PNPLA6: variants seen among roughly 807,000 people sequenced by gnomAD.
PNPLA6 encodes the protein patatin-like phospholipase domain-containing protein 6.
Under a neutral mutation model 153.7 loss-of-function variants are expected in PNPLA6, and 105 were observed. The observed-to-expected ratio is 0.68, with a 90% CI of 0.58 to 0.80. The LOEUF (loss-of-function observed/expected upper bound fraction) is 0.80, where lower values mean the gene tolerates loss of function less well. PNPLA6 is among the 30% of genes least tolerant of loss of function. The probability of loss-of-function intolerance (pLI) is 0.00; values close to 1 mark genes in which losing one functional copy is unlikely to be tolerated. For missense variants in PNPLA6, 1,423 were observed against 1,919.3 expected (o/e 0.74, Z 4.83); for synonymous variants, 825 against 822.2 (o/e 1.00, Z -0.06).
At chr19:7,551,535 G>GGAGT in intron 18 of PNPLA6, 98 bp downstream of exon 18, 2 of 1,060,450 alleles carry the variant, frequency 1.9e-6, no homozygotes, top group Non-Finnish European at 2.9e-6. Context: ...GCTGGGAAAT[G>GGAGT]GAGTTCCGCG....
Position 7,555,913 on chromosome 19 carries a change from T to G in PNPLA6, c.3093+150T>G. 1 of 861,976 alleles carries G rather than the reference T, an allele frequency of 1.2e-6. No homozygotes were observed. The highest frequency in any genetic ancestry group is 1.9e-6 in the Non-Finnish European group (1 of 539,848). The allele number at this position is 861,976 out of a possible 1,614,324, so 53.4% of individuals were successfully genotyped here. On this transcript the variant is annotated intron_variant, in intron 24 of 31. Transcript: ENST00000600737. The surrounding 1 kb of genome is among the most constrained non-coding windows in gnomAD (Gnocchi z 6.3). ...CCCCAGCTGTCCGGACTTTTATAGA[T>G]AAGCTTCTAGGACTCTGGGTAACCA...
At chr19:7,538,783 C>T (rs749651718) in intron 3 of PNPLA6, among the ~76,000 whole-genome samples, 13 of 152,152 alleles carry the variant, frequency 8.5e-5, no homozygotes, top group Non-Finnish European at 1.3e-4. Flanking sequence ...ACTGTATCTG[C>T]GGTCTTCTCA....
At chr19:7,547,864 T>C (rs912971713) in intron 13 of PNPLA6, among the ~76,000 whole-genome samples, 1 of 140,344 alleles carries the variant, frequency 7.1e-6, no homozygotes. Flanking sequence ...GGTTTCACTA[T>C]GTTGCCCAGG....
intron 18 of PNPLA6, among the ~76,000 whole-genome samples, chr19:7,553,072 A>C (rs2023724943): frequency 1.3e-5 from 2 of 152,066 alleles, no homozygotes; most frequent in Non-Finnish European, 2.9e-5. Flanking sequence ...GGCTGTGGAC[A>C]GGCACTTGAG....
rs2023213315 is a variant in PNPLA6 at position 7,542,747 on chromosome 19, C to A, written c.1363-14C>A. The A allele has an allele frequency of 6.2e-7, 1 of 1,612,750 alleles. No individual in the cohort carries two copies. The highest frequency in any genetic ancestry group is 8.5e-7 in the Non-Finnish European group (1 of 1,179,898). ...GGAGGGAGCATCAGGAGGTCACAAG[C>A]CTGCCCCACTCAGACCCCCACTCAG... On this transcript the variant is annotated splice_polypyrimidine_tract_variant and intron_variant, in intron 11 of 31. Transcript: ENST00000600737.
At chr19:7,557,375 C>T (rs548904632) in intron 27 of PNPLA6, 91 bp downstream of exon 27, 23 of 838,742 alleles carry the variant, frequency 2.7e-5, no homozygotes, top group East Asian at 7.6e-5. Context: ...GGCTCGATGA[C>T]GGGACACATG....
In PNPLA6 at chr19:7,557,262, C is replaced by T. The variant is rs375987938; in HGVS notation, c.3375C>T (p.Gly1125=). 4.5e-5 allele frequency: 73 copies of T among 1,611,218 alleles called. No homozygotes were observed. The highest frequency in any genetic ancestry group is 1.6e-4 in the Middle Eastern group (1 of 6,084). The part of the protein sequence containing the change: ...DPKDGHLLMD[G]GYINNLPADI... ...AGGACGGGCACCTACTCATGGATGG[C>T]GGCTACATCAACAATCTGCCAGGCA... The change falls in exon 27 of 32, where the codon GGC becomes GGT. Residue 1125 remains glycine, a synonymous_variant. Coordinates refer to ENST00000600737, the MANE Select transcript of PNPLA6 (RefSeq NM_001166114.2).
chr19:7,555,567 G>T lies in PNPLA6; in HGVS notation c.2937-40G>T, dbSNP rs1394008711. ...GGTAGGGGCAGGGGAGTTCCTGCAG[G>T]TGGGGCCTAGCGGGTCACTGGGGCC... On this transcript the variant is annotated intron_variant, in intron 23 of 31. Coordinates refer to ENST00000600737, the MANE Select transcript of PNPLA6 (RefSeq NM_001166114.2). The surrounding 1 kb of genome is among the most constrained non-coding windows in gnomAD (Gnocchi z 6.3). The T allele has an allele frequency of 1.9e-6, 3 of 1,605,766 alleles. No homozygotes were observed. The highest frequency in any genetic ancestry group is 1.7e-6 in the Non-Finnish European group (2 of 1,175,818).
Position 7,560,278 on chromosome 19 carries a change from G to A in PNPLA6, c.3700-370G>A, listed in dbSNP as rs1447369640. 2.0e-5 allele frequency among the ~76,000 whole-genome samples: 3 copies of A among 152,178 alleles called. No homozygotes were observed. In the East Asian group the frequency reaches 5.8e-4, roughly 29 times the overall value. ...TGTGATGTCCCTTGTGGGCTCACTG[G>A]GATAGCATGCCATGAGAAATTCAAG... On this transcript the variant is annotated intron_variant, in intron 28 of 31. Coordinates refer to ENST00000600737, the MANE Select transcript of PNPLA6 (RefSeq NM_001166114.2).
Position 7,555,371 on chromosome 19 carries a change from A to C in PNPLA6, c.2936+4A>C. 5 of 1,025,150 alleles carry C rather than the reference A, an allele frequency of 4.9e-6. No individual in the cohort carries two copies. Among genetic ancestry groups the C allele is most frequent in the Non-Finnish European group, 4.1e-6 (3 of 729,498 alleles). 63.5% of individuals were successfully genotyped at this position (1,025,150 alleles called of 1,614,324 possible). A position where few individuals can be genotyped will look rare whatever the true frequency, so the allele number is the denominator to read the frequency against. On this transcript the variant is annotated splice_donor_region_variant and intron_variant, in intron 23 of 31. Coordinates refer to ENST00000600737, the MANE Select transcript of PNPLA6 (RefSeq NM_001166114.2). The surrounding 1 kb of genome is among the most constrained non-coding windows in gnomAD (Gnocchi z 6.3). ...TGCTAGGCGGGGGCGGGGCCAGGTGAGGGCGGGGCTTGCTCTCTGGGGGCG... is the reference window on the plus strand; with the variant it reads ...TGCTAGGCGGGGGCGGGGCCAGGTGCGGGCGGGGCTTGCTCTCTGGGGGCG...
rs774239315 is a variant in PNPLA6 at position 7,541,331 on chromosome 19, G to A, written c.925-23G>A. Reference sequence around the variant, plus strand: ...GCCCCTTACCCCGCCCCATCTTATGGCCACGCCCCTCGAGCCCTGCAGATC... The same window carrying A: ...GCCCCTTACCCCGCCCCATCTTATGACCACGCCCCTCGAGCCCTGCAGATC... On this transcript the variant is annotated intron_variant, in intron 7 of 31. Coordinates refer to ENST00000600737, the MANE Select transcript of PNPLA6 (RefSeq NM_001166114.2). The surrounding 1 kb of genome is among the most constrained non-coding windows in gnomAD (Gnocchi z 5.2). 8 of 1,608,640 alleles carry A rather than the reference G, an allele frequency of 5.0e-6. No homozygotes were observed. The South Asian group carries it at 8.8e-5, about 18-fold the overall frequency.
chr19:7,553,976 G>A lies in PNPLA6; in HGVS notation c.2362G>A (p.Ala788Thr). The A allele has an allele frequency of 6.2e-7, 1 of 1,614,010 alleles. No homozygotes were observed. The highest frequency in any genetic ancestry group is 2.2e-5 in the East Asian group (1 of 44,878). Residue 788 changes from alanine (A) to threonine (T), a missense_variant, in exon 19 of 32, where the codon GCC (alanine) becomes ACC (threonine). By Grantham distance (58) the Ala-to-Thr change is moderately conservative. Around this residue, in one of 10 missense-constraint regions of PNPLA6, gnomAD observed 643 missense variants for 835.2 expected, o/e 0.77. Transcript: ENST00000600737. ...TGTGTGTGCTGAGGTCCCCATGGTG[G>A]CCTTCACGCTGGAGCTGCAGCACGC... is the stretch of plus-strand genomic sequence containing the variant. ...LPVCAEVPMV[A>T]FTLELQHALQ...
chr19:7,542,368 C>G, intron 10 of PNPLA6, 193 bp from the exon 11 acceptor site: 1 of 631,204 alleles, frequency 1.6e-6, no homozygotes, highest in South Asian at 1.8e-5. Context: ...TCTTTTGAGA[C>G]CTGTCTCCCA....
chr19:7,557,330 C>T (rs753784461), intron 27 of PNPLA6, 46 bp downstream of exon 27: 2 of 1,155,780 alleles, frequency 1.7e-6, no homozygotes, highest in South Asian at 1.2e-5. Flanking sequence ...ACCTCCCGCA[C>T]CACACACACG....
intron 13 of PNPLA6, among the ~76,000 whole-genome samples, chr19:7,546,763 G>T (rs758246959): frequency 6.6e-6 from 1 of 152,096 alleles, no homozygotes; most frequent in Non-Finnish European, 1.5e-5. Flanking sequence ...TAAAGGTGGG[G>T]TCTCACTATG....
chr19:7,552,678 C>T (rs1213792249), intron 18 of PNPLA6, among the ~76,000 whole-genome samples: 7 of 147,066 alleles, frequency 4.8e-5, no homozygotes, highest in Non-Finnish European at 8.9e-5. Flanking sequence ...TCGCTTGAAC[C>T]GGGGAGGCAG....
chr19:7,554,052 T>TCTGGGGGGGGGGGGGGGGGG, intron 19 of PNPLA6, 37 bp downstream of exon 19: 2 of 683,132 alleles, frequency 2.9e-6, no homozygotes, highest in Non-Finnish European at 2.2e-6. Flanking sequence ...GGGCTGGCGG[T>TCTGGGGGGGGGGGGGGGGGG]GGGTGGGACA....
At chr19:7,536,950 A>AAAAGAAG (rs1555743945) in intron 3 of PNPLA6, among the ~76,000 whole-genome samples, 1 of 127,060 alleles carries the variant, frequency 7.9e-6, no homozygotes, top group African/African-American at 2.9e-5. Flanking sequence ...AAAAAAAAAA[A>AAAAGAAG]AAGAAGAAGA....
Position 7,541,807 on chromosome 19 carries a change from A to G in PNPLA6, c.1168+123A>G. ...TTGTCCAGCCCCACAGGGACTCCAT[A>G]GCGGGGTACCCAGGTCTGACTCCTA... On this transcript the variant is annotated intron_variant, in intron 9 of 31. Transcript: ENST00000600737. This position sits in a 1 kb window ranked among gnomAD's most constrained non-coding sequence, Gnocchi z 5.2. The G allele has an allele frequency of 8.2e-7, 1 of 1,214,792 alleles. No individual in the cohort carries two copies. Among genetic ancestry groups the G allele is most frequent in the Non-Finnish European group, 1.2e-6 (1 of 854,556 alleles). 75.3% of individuals were successfully genotyped at this position (1,214,792 alleles called of 1,614,324 possible).
Sources: gnomAD v4.1 joint callset for allele counts (sites outside exome capture counted in the v4.1 genomes callset) on GRCh38, gnomAD v4.1.1 for gene constraint, gnomAD v4.1.1 regional missense constraint, Gnocchi (gnomAD v3.1) non-coding constraint, MANE v1.5 for transcripts, NCBI Gene and HGNC (gene_info 2026-07-23, HGNC 2026-07-21) for gene names.